The following CLSTN2 variants were observed in gnomAD, a reference collection of about 807,000 sequenced individuals.
CLSTN2 encodes the protein calsyntenin-2.
In CLSTN2, 48 loss-of-function variants were observed where a neutral mutation model predicts 101.2. The ratio of observed to expected loss-of-function variants is 0.47; its 90% CI spans 0.38 to 0.60. The LOEUF (loss-of-function observed/expected upper bound fraction) is 0.60. Ranked by LOEUF, CLSTN2 falls within the 20% of genes least tolerant of loss-of-function variation. The pLI, the probability that CLSTN2 is intolerant of heterozygous loss-of-function variation, is 0.00. For synonymous variants in CLSTN2, 481 were observed against 463.6 expected (o/e 1.04, Z -0.48); for missense variants, 1,160 against 1,238.2 (o/e 0.94, Z 0.95).
chr3:140,146,440 G>A (rs959319099), intron 1 of CLSTN2, among the ~76,000 whole-genome samples: 1 of 152,212 alleles, frequency 6.6e-6, no homozygotes, highest in Non-Finnish European at 1.5e-5. Context: ...AGAGAGAATG[G>A]GAAGTGAGAT....
intron 2 of CLSTN2, among the ~76,000 whole-genome samples, chr3:140,358,465 C>A (rs983709889): frequency 2.3e-4 from 35 of 152,190 alleles, no homozygotes; most frequent in African/African-American, 8.2e-4. Context: ...AAAGATCATT[C>A]CCTTAATGAA....
chr3:140,151,735 T>C (rs1163211032), intron 1 of CLSTN2, among the ~76,000 whole-genome samples: 1 of 152,158 alleles, frequency 6.6e-6, no homozygotes, highest in African/African-American at 2.4e-5. Flanking sequence ...TATATTGCTC[T>C]GTCTGATCTA....
At chr3:140,014,449 T>A (rs2007154673) in intron 1 of CLSTN2, among the ~76,000 whole-genome samples, 1 of 151,914 alleles carries the variant, frequency 6.6e-6, no homozygotes, top group African/African-American at 2.4e-5. Flanking sequence ...AAACTCCTAG[T>A]CTTAAATAAT....
intron 2 of CLSTN2, among the ~76,000 whole-genome samples, chr3:140,355,884 T>C (rs1044146959): frequency 6.6e-6 from 1 of 152,222 alleles, no homozygotes; most frequent in African/African-American, 2.4e-5. Flanking sequence ...AGCATGTGCT[T>C]TTTGCCTTCT....
At chr3:140,336,032 G>A (rs552432071) in intron 2 of CLSTN2, among the ~76,000 whole-genome samples, 1 of 152,208 alleles carries the variant, frequency 6.6e-6, no homozygotes, top group African/African-American at 2.4e-5. Context: ...GTCATGGTTG[G>A]GGCTTTGGAA....
intron 8 of CLSTN2, among the ~76,000 whole-genome samples, chr3:140,484,492 T>C (rs1276869188): frequency 2.0e-5 from 3 of 152,086 alleles, no homozygotes; most frequent in African/African-American, 4.8e-5. Context: ...CTGTATTTCC[T>C]GAATTTGAAT....
At chr3:140,006,061 T>C (rs2006947032) in intron 1 of CLSTN2, among the ~76,000 whole-genome samples, 1 of 152,230 alleles carries the variant, frequency 6.6e-6, no homozygotes, top group African/African-American at 2.4e-5. Context: ...AGAGTTGACA[T>C]TGATATTCAA....
At chr3:140,019,167 G>A (rs557536331) in intron 1 of CLSTN2, among the ~76,000 whole-genome samples, 2 of 152,208 alleles carry the variant, frequency 1.3e-5, no homozygotes, top group South Asian at 2.1e-4. Context: ...ATGGTGTGAC[G>A]GTTAATTTTA....
At chr3:140,247,241 G>A (rs1269418804) in intron 2 of CLSTN2, among the ~76,000 whole-genome samples, 1 of 152,120 alleles carries the variant, frequency 6.6e-6, no homozygotes, top group Admixed American at 6.6e-5. Context: ...TATACTGAGA[G>A]CCCAACTAAC....
At position 140,167,961 on chromosome 3, in the gene CLSTN2, C is replaced by T. The variant is rs546493650; in HGVS notation, c.110-7990C>T. Among the ~76,000 whole-genome samples, 57 of 152,268 alleles carry T rather than the reference C, an allele frequency of 3.7e-4. No homozygotes were observed. The East Asian group carries it at 4.6e-3, about 12-fold the overall frequency. ...ATTTGTTTATCCATTCACTAGTTGA[C>T]GGCCATTTTAGTTACCAGTTTGGCA... On this transcript the variant is annotated intron_variant, in intron 1 of 16. Transcript: ENST00000458420.
chr3:140,351,835 A>C (rs926602122), intron 2 of CLSTN2, among the ~76,000 whole-genome samples: 3 of 152,008 alleles, frequency 2.0e-5, no homozygotes. Flanking sequence ...TGAAACAGCA[A>C]GTGCAAAGGC....
chr3:139,989,625 G>A (rs1023055260), intron 1 of CLSTN2, among the ~76,000 whole-genome samples: 4 of 152,080 alleles, frequency 2.6e-5, no homozygotes, highest in Non-Finnish European at 5.9e-5. Flanking sequence ...CTGGATTTCT[G>A]AGCTCTAAAA....
At chr3:140,294,963 T>C (rs896013667) in intron 2 of CLSTN2, among the ~76,000 whole-genome samples, 4 of 152,160 alleles carry the variant, frequency 2.6e-5, no homozygotes, top group African/African-American at 9.7e-5. Flanking sequence ...GTTTTGTCCT[T>C]ATGACCTAAT....
intron 1 of CLSTN2, among the ~76,000 whole-genome samples, chr3:140,016,881 GT>G (rs1376127843): frequency 3.3e-5 from 5 of 151,532 alleles, no homozygotes; most frequent in Non-Finnish European, 7.4e-5. Flanking sequence ...TTAATCAACT[GT>G]TTATGTTATC....
intron 2 of CLSTN2, among the ~76,000 whole-genome samples, chr3:140,342,977 T>C (rs1392392701): frequency 2.6e-5 from 4 of 152,216 alleles, no homozygotes; most frequent in Non-Finnish European, 4.4e-5. Context: ...TTAGATCTCA[T>C]GTGGCATCAT....
intron 1 of CLSTN2, among the ~76,000 whole-genome samples, chr3:139,997,943 G>A (rs1000644463): frequency 1.4e-4 from 21 of 152,124 alleles, no homozygotes; most frequent in African/African-American, 5.1e-4. Context: ...GGAATTTGTA[G>A]TTTTCTGGGG....
chr3:140,535,798 T>C (rs1170680938), intron 9 of CLSTN2, among the ~76,000 whole-genome samples: 1 of 152,248 alleles, frequency 6.6e-6, no homozygotes, highest in East Asian at 1.9e-4. Flanking sequence ...CAATTGAATA[T>C]GCCCAACCTC....
intron 8 of CLSTN2, among the ~76,000 whole-genome samples, chr3:140,474,027 G>A (rs1933921165): frequency 6.6e-6 from 1 of 152,042 alleles, no homozygotes; most frequent in Non-Finnish European, 1.5e-5. Flanking sequence ...ACCTGCTTCG[G>A]CCTCCCAAAG....
At chr3:140,177,240 C>G (rs1257171252) in intron 2 of CLSTN2, among the ~76,000 whole-genome samples, 1 of 152,064 alleles carries the variant, frequency 6.6e-6, no homozygotes, top group Non-Finnish European at 1.5e-5. Flanking sequence ...CATACATTTC[C>G]CAATCACCCT....
Sources: allele counts gnomAD v4.1 joint callset (sites outside exome capture counted in the v4.1 genomes callset), GRCh38; gene constraint gnomAD v4.1.1; transcripts MANE v1.5; gene names NCBI Gene and HGNC (gene_info 2026-07-23, HGNC 2026-07-21).